The following NCKAP5 variants were observed in gnomAD, a reference collection of about 807,000 sequenced individuals.
NCKAP5 encodes the protein nck-associated protein 5.
Under a neutral mutation model 167.0 loss-of-function variants are expected in NCKAP5, and 92 were observed. That is an observed-to-expected ratio of 0.55 (90% CI 0.47 to 0.66). NCKAP5 has a LOEUF of 0.66. Among genes scored for constraint, NCKAP5 ranks in the 30% least tolerant of loss-of-function variants. The pLI, the probability that NCKAP5 is intolerant of heterozygous loss-of-function variation, is 0.00. For missense variants in NCKAP5, 2,378 were observed against 2,315.0 expected, an observed-to-expected ratio of 1.03 and a Z score of -0.56; for synonymous variants, 891 against 877.4, an observed-to-expected ratio of 1.02 and a Z score of -0.27.
At chr2:133,024,493 A>T (rs1298484842) in intron 6 of NCKAP5, among the ~76,000 whole-genome samples, 1 of 152,236 alleles carries the variant, frequency 6.6e-6, no homozygotes, top group African/African-American at 2.4e-5. Flanking sequence ...TAGAGTTAAC[A>T]TATCTTTCAT....
At chr2:133,383,900 T>G (rs1686723615) in intron 3 of NCKAP5, among the ~76,000 whole-genome samples, 1 of 152,222 alleles carries the variant, frequency 6.6e-6, no homozygotes, top group South Asian at 2.1e-4. Flanking sequence ...TCGCCCACTT[T>G]TTGATGGGGT....
intron 12 of NCKAP5, among the ~76,000 whole-genome samples, chr2:132,792,064 GT>G (rs1684119196): frequency 6.8e-6 from 1 of 146,290 alleles, no homozygotes; most frequent in Non-Finnish European, 1.5e-5. Flanking sequence ...GTTTTGTTTT[GT>G]TTTTCAGATG....
At chr2:132,960,774 A>G (rs112510994) in intron 8 of NCKAP5, among the ~76,000 whole-genome samples, 11 of 152,292 alleles carry the variant, frequency 7.2e-5, no homozygotes, top group African/African-American at 2.6e-4. Flanking sequence ...AACGTAATAT[A>G]GAAGTCATCT....
intron 3 of NCKAP5, among the ~76,000 whole-genome samples, chr2:133,488,783 G>A (rs1177772352): frequency 1.3e-5 from 2 of 152,154 alleles, no homozygotes; most frequent in African/African-American, 4.8e-5. Flanking sequence ...GGGCATGGTG[G>A]CACGCACCTA....
At chr2:133,556,458 C>G (rs1342436840) in intron 2 of NCKAP5, among the ~76,000 whole-genome samples, 1 of 152,112 alleles carries the variant, frequency 6.6e-6, no homozygotes, top group African/African-American at 2.4e-5. Context: ...TCTTTAAACG[C>G]CCCACGTGGG....
chr2:133,212,630 A>G (rs1272442448), intron 5 of NCKAP5, among the ~76,000 whole-genome samples: 1 of 152,140 alleles, frequency 6.6e-6, no homozygotes, highest in African/African-American at 2.4e-5. Flanking sequence ...GGCCTCCCAA[A>G]GTGTTGAGAT....
chr2:133,345,647 C>A (rs1683920837), intron 3 of NCKAP5, among the ~76,000 whole-genome samples: 1 of 152,090 alleles, frequency 6.6e-6, no homozygotes, highest in Admixed American at 6.5e-5. Context: ...GGTGATGGAA[C>A]CAAAGAGCTG....
chr2:133,256,071 G>A (rs1374611216), intron 4 of NCKAP5, among the ~76,000 whole-genome samples: 1 of 152,086 alleles, frequency 6.6e-6, no homozygotes, highest in African/African-American at 2.4e-5. Flanking sequence ...AAAGCAATCT[G>A]CTTGATGAAA....
rs757282426 is a variant in NCKAP5, at chr2:132,782,840, T to C, written c.3971A>G (p.Asn1324Ser). Residue 1324 changes from asparagine to serine, a missense_variant, in exon 14 of 20, where the codon AAC becomes AGC. By Grantham distance (46) the Asn-to-Ser change is conservative. Around this residue, in one of 3 missense-constraint regions of NCKAP5, gnomAD observed 1,325 missense variants for 1,274.5 expected, o/e 1.04. Transcript: ENST00000409261. ...CAACATGGGAGCAGAAGGGGCCTTG[T>C]TGGGAGAGCTTTCCGTGGAAGAGTT... The part of the protein sequence containing the change: ...RQNSSTESSP[N>S]KAPSAPMLES... 14 of 1,613,858 alleles carry C rather than the reference T, an allele frequency of 8.7e-6. No individual in the cohort carries two copies. In the South Asian group the frequency reaches 1.1e-4, roughly 13 times the overall value.
At chr2:133,220,953 G>A (rs1574420382) in intron 4 of NCKAP5, among the ~76,000 whole-genome samples, 1 of 152,146 alleles carries the variant, frequency 6.6e-6, no homozygotes, top group Non-Finnish European at 1.5e-5. Context: ...TGCCCTGATG[G>A]AAGAGCAGCA....
chr2:132,876,901 A>T (rs1691326569), intron 9 of NCKAP5, among the ~76,000 whole-genome samples: 1 of 152,206 alleles, frequency 6.6e-6, no homozygotes, highest in Admixed American at 6.5e-5. Context: ...TTCCATAAAG[A>T]AATGTGAGTG....
At chr2:133,319,148 T>TTTCC (rs1431400206) in intron 3 of NCKAP5, among the ~76,000 whole-genome samples, 1 of 84,604 alleles carries the variant, frequency 1.2e-5, no homozygotes, top group African/African-American at 3.7e-5. Flanking sequence ...GAGCCACCCC[T>TTTCC]CCCCCCCCGC....
chr2:133,393,995 C>T (rs13392676), intron 3 of NCKAP5, among the ~76,000 whole-genome samples: 18,141 of 152,226 alleles, frequency 0.12, 1,206 homozygotes, highest in Non-Finnish European at 0.15. Context: ...TTTGCATATT[C>T]TTTCATTCAC....
At chr2:133,352,568 T>G (rs1684437986) in intron 3 of NCKAP5, among the ~76,000 whole-genome samples, 1 of 152,160 alleles carries the variant, frequency 6.6e-6, no homozygotes, top group East Asian at 1.9e-4. Flanking sequence ...GTGGGCTATC[T>G]CTTAGCCTCC....
intron 6 of NCKAP5, among the ~76,000 whole-genome samples, chr2:133,094,036 A>C (rs146543968): frequency 6.6e-6 from 1 of 152,314 alleles, no homozygotes; most frequent in Non-Finnish European, 1.5e-5. Context: ...GTCATACAGG[A>C]ATGGGTAGGC....
intron 8 of NCKAP5, among the ~76,000 whole-genome samples, chr2:132,952,925 C>A (rs1326544006): frequency 6.6e-6 from 1 of 152,172 alleles, no homozygotes; most frequent in Admixed American, 6.5e-5. Flanking sequence ...GATTGAAGCA[C>A]CACGAGGAGC....
chr2:133,247,079 A>T (rs939241123), intron 4 of NCKAP5, among the ~76,000 whole-genome samples: 8 of 152,204 alleles, frequency 5.3e-5, no homozygotes, highest in African/African-American at 1.2e-4. Context: ...TTTATATCAC[A>T]TGCACTATTT....
At chr2:133,587,940 G>C in the NCKAP5 span, among the ~76,000 whole-genome samples, 1 of 152,012 alleles carries the variant, frequency 6.6e-6, no homozygotes, top group Admixed American at 6.5e-5. Flanking sequence ...TTTCAAACCA[G>C]GATTTATGAC....
intron 19 of NCKAP5, among the ~76,000 whole-genome samples, chr2:132,702,372 C>A (rs550742530): frequency 5.3e-5 from 8 of 151,976 alleles, no homozygotes; most frequent in Non-Finnish European, 1.2e-4. Flanking sequence ...CCTCAGGGAC[C>A]AGGGAAGATA....
Sources: gnomAD v4.1 joint callset for allele counts (sites outside exome capture counted in the v4.1 genomes callset) on GRCh38, gnomAD v4.1.1 for gene constraint, gnomAD v4.1.1 regional missense constraint, MANE v1.5 for transcripts, NCBI Gene and HGNC (gene_info 2026-07-23, HGNC 2026-07-21) for gene names.